Variants in STK3 observed in about 807,000 individuals in gnomAD.
The protein encoded by STK3 is serine/threonine kinase 3, also known as serine/threonine-protein kinase 3.
STK3 carries 41 observed loss-of-function variants against 58.0 expected under a neutral mutation model. The ratio of observed to expected loss-of-function variants is 0.71; its 90% CI spans 0.55 to 0.92. STK3 has a LOEUF of 0.92. STK3 is among the 40% of genes least tolerant of loss of function. The probability of loss-of-function intolerance (pLI) is 0.00; values close to 1 mark genes in which losing one functional copy is unlikely to be tolerated. For synonymous variants in STK3, 170 were observed against 191.0 expected (o/e 0.89, Z 0.91); for missense variants, 479 against 602.7 (o/e 0.79, Z 2.15).
intron 6 of STK3, among the ~76,000 whole-genome samples, chr8:98,672,719 G>A (rs1309808715): frequency 6.6e-6 from 1 of 152,134 alleles, no homozygotes; most frequent in Non-Finnish European, 1.5e-5. Flanking sequence ...TAATTTAAGA[G>A]TAAAGGGTTA....
At position 98,422,413 on chromosome 8, in the gene STK3, C is replaced by T. The variant is rs1016382317; in HGVS notation, n.483+11714G>A. Among the ~76,000 whole-genome samples the T allele has an allele frequency of 1.4e-4, 21 of 152,148 alleles. 1 individual carries two copies. The highest frequency in any genetic ancestry group is 1.3e-4 in the Admixed American group (2 of 15,280). On this transcript the variant is annotated intron_variant and non_coding_transcript_variant, in intron 3 of 3. Transcript: ENST00000517832. The stretch of plus-strand genomic sequence containing the variant: ...TCATCTCCAGGCCTGCCTCCATCCC[C>T]AGCAACGCCCCTGCGCCCTTGCTAC...
rs867859294 is a variant in STK3 at position 98,742,246 on chromosome 8, C to T, written c.351+7030G>A. Among the ~76,000 whole-genome samples, 7 of 151,910 alleles carry T rather than the reference C, an allele frequency of 4.6e-5. No individual in the cohort carries two copies. The South Asian group carries it at 1.0e-3, about 23-fold the overall frequency. ...ACTCATTTTATGAGGCCAGCATCATCCTGATACCAAAGCCGGGCAGAAACA... is the reference window on the plus strand; with the variant it reads ...ACTCATTTTATGAGGCCAGCATCATTCTGATACCAAAGCCGGGCAGAAACA... On this transcript the variant is annotated intron_variant, in intron 4 of 10. Coordinates refer to ENST00000419617, the MANE Select transcript of STK3 (RefSeq NM_006281.4).
chr8:98,898,616 GC>G (rs933844309), intron 1 of STK3, among the ~76,000 whole-genome samples: 14 of 152,114 alleles, frequency 9.2e-5, no homozygotes, highest in Admixed American at 8.5e-4. Flanking sequence ...TAAGAAATGT[GC>G]AGCATGAATG....
the STK3 span, among the ~76,000 whole-genome samples, chr8:98,361,573 T>C: frequency 1.3e-5 from 2 of 152,204 alleles, no homozygotes; most frequent in Non-Finnish European, 2.9e-5. Flanking sequence ...AATTGAGCTA[T>C]ATTTATGATC....
chr8:98,359,923 C>A, the STK3 span, among the ~76,000 whole-genome samples: 2,648 of 152,166 alleles, frequency 0.017, 90 homozygotes, highest in African/African-American at 0.059. Context: ...TCCTGGGGAC[C>A]TTGTAGCTCC....
chr8:98,462,714 T>C (rs1157406303), intron 10 of STK3, among the ~76,000 whole-genome samples: 1 of 152,220 alleles, frequency 6.6e-6, no homozygotes, highest in Non-Finnish European at 1.5e-5. Flanking sequence ...TTCATTCACA[T>C]CTTGAATAGT....
At chr8:98,413,350 A>C (rs541910014) in intron 3 of STK3, 8 of 516,178 alleles carry the variant, frequency 1.5e-5, no homozygotes, top group South Asian at 1.2e-4. Context: ...TGGTACACCT[A>C]CTTGAGCTAT....
chr8:98,493,633 A>G (rs1334832355), intron 10 of STK3, among the ~76,000 whole-genome samples: 1 of 152,068 alleles, frequency 6.6e-6, no homozygotes, highest in Non-Finnish European at 1.5e-5. Flanking sequence ...TCTCAGTCTA[A>G]TATTATTCTC....
Position 98,429,134 on chromosome 8 carries a change from G to C in STK3, n.483+4993C>G, listed in dbSNP as rs756429578. 15 of 1,613,038 alleles carry C rather than the reference G, an allele frequency of 9.3e-6. No individual in the cohort carries two copies. The South Asian group carries it at 9.9e-5, about 11-fold the overall frequency. ...ACGGGGATGTGGTCCCAGGGACCAC[G>C]GCAGGAAAGCTGACTGCCTCTGCCT... On this transcript the variant is annotated intron_variant and non_coding_transcript_variant, in intron 3 of 3. Coordinates refer to the STK3 transcript ENST00000517832.
At chr8:98,941,167 G>T (rs1170943915) in intron 1 of STK3, among the ~76,000 whole-genome samples, 1 of 152,244 alleles carries the variant, frequency 6.6e-6, no homozygotes, top group Non-Finnish European at 1.5e-5. Flanking sequence ...TGCAGCCCGC[G>T]GCTGCGCTTT....
At chr8:98,674,605 C>A (rs1027114376) in intron 6 of STK3, among the ~76,000 whole-genome samples, 1 of 152,030 alleles carries the variant, frequency 6.6e-6, no homozygotes, top group Non-Finnish European at 1.5e-5. Context: ...AATATGTCAA[C>A]AAATGAAGAG....
At chr8:98,865,135 A>C (rs1239788344) in intron 3 of STK3, among the ~76,000 whole-genome samples, 2 of 152,188 alleles carry the variant, frequency 1.3e-5, no homozygotes, top group Non-Finnish European at 2.9e-5. Context: ...TCACACCTGT[A>C]ATCCCAGTGC....
At chr8:98,818,761 G>A (rs1222646039) in intron 1 of STK3, among the ~76,000 whole-genome samples, 2 of 152,074 alleles carry the variant, frequency 1.3e-5, no homozygotes, top group East Asian at 3.8e-4. Context: ...CTCCTATGAT[G>A]TACTTTCAGA....
intron 7 of STK3, among the ~76,000 whole-genome samples, chr8:98,587,957 T>C (rs989172879): frequency 2.2e-4 from 33 of 152,134 alleles, no homozygotes; most frequent in African/African-American, 4.3e-4. Flanking sequence ...CTTGGTAGAT[T>C]TTCCTCCATC....
At chr8:98,724,808 G>C (rs75228080) in intron 4 of STK3, among the ~76,000 whole-genome samples, 3 of 152,168 alleles carry the variant, frequency 2.0e-5, no homozygotes, top group African/African-American at 7.2e-5. Context: ...AGACCATGCA[G>C]AGAAGCCAAA....
intron 3 of STK3, among the ~76,000 whole-genome samples, chr8:98,862,156 GA>G (rs1836959760): frequency 6.6e-6 from 1 of 152,126 alleles, no homozygotes; most frequent in African/African-American, 2.4e-5. Flanking sequence ...TACTACTTAC[GA>G]GGCATTGAAT....
intron 3 of STK3, among the ~76,000 whole-genome samples, chr8:98,418,268 T>C (rs1052854208): frequency 2.0e-5 from 3 of 152,234 alleles, no homozygotes; most frequent in Non-Finnish European, 4.4e-5. Flanking sequence ...CTGCAGGCAA[T>C]GCCTGATCTG....
At chr8:98,893,726 G>A (rs1838348625) in intron 1 of STK3, among the ~76,000 whole-genome samples, 1 of 152,128 alleles carries the variant, frequency 6.6e-6, no homozygotes, top group Non-Finnish European at 1.5e-5. Context: ...GGGTTGTACA[G>A]TGAAGTACCC....
At chr8:98,689,873 T>C (rs767783156) in intron 6 of STK3, among the ~76,000 whole-genome samples, 1 of 152,148 alleles carries the variant, frequency 6.6e-6, no homozygotes, top group Non-Finnish European at 1.5e-5. Flanking sequence ...ATTCCTAGGA[T>C]GCAAGGATGA....
Sources: allele counts gnomAD v4.1 joint callset (sites outside exome capture counted in the v4.1 genomes callset), GRCh38; gene constraint gnomAD v4.1.1; transcripts MANE v1.5; gene names NCBI Gene and HGNC (gene_info 2026-07-23, HGNC 2026-07-21).